The following EXOSC10 variants were observed in gnomAD, a reference collection of about 807,000 sequenced individuals.
EXOSC10 encodes the protein exosome complex component 10.
Under a neutral mutation model 126.6 loss-of-function variants are expected in EXOSC10, and 94 were observed. That is an observed-to-expected ratio of 0.74 (90% CI 0.63 to 0.88). EXOSC10 has a LOEUF of 0.88. Among genes scored for constraint, EXOSC10 ranks in the 40% least tolerant of loss-of-function variants. The pLI, the probability that EXOSC10 is intolerant of heterozygous loss-of-function variation, is 0.00. For synonymous variants in EXOSC10, 395 were observed against 400.8 expected, an observed-to-expected ratio of 0.99 and a Z score of 0.17; for missense variants, 1,041 against 1,100.5, an observed-to-expected ratio of 0.95 and a Z score of 0.77.
At chr1:11,095,048 C>T (rs1043613313) in intron 3 of EXOSC10, among the ~76,000 whole-genome samples, 33 of 151,934 alleles carry the variant, frequency 2.2e-4, no homozygotes, top group Non-Finnish European at 5.9e-5. Flanking sequence ...GATGTCTCTA[C>T]TAAAAATACA....
chr1:11,066,974 G>A (rs768197147), intron 24 of EXOSC10, among the ~76,000 whole-genome samples: 24 of 152,194 alleles, frequency 1.6e-4, no homozygotes, highest in Non-Finnish European at 2.5e-4. Flanking sequence ...CCTCAGGGTC[G>A]GCTTAATTAT....
chr1:11,068,055 C>T lies in EXOSC10; in HGVS notation c.2580G>A (p.Gln860=). 1 of 1,614,172 alleles carries T rather than the reference C, an allele frequency of 6.2e-7. No homozygotes were observed. Residue 860 remains glutamine, a synonymous_variant, in exon 24 of 25, where the codon CAG becomes CAA. Coordinates refer to ENST00000376936, the MANE Select transcript of EXOSC10 (RefSeq NM_001001998.3). ...KKCIAAKKIK[Q]SVGNKSMSFP... is the part of the protein sequence containing the mutation. ...AGGACATGCTTTTGTTTCCCACCGACTGTTTAATTTTTTTGGCTGCAATGC... is the reference window on the plus strand; with the variant it reads ...AGGACATGCTTTTGTTTCCCACCGATTGTTTAATTTTTTTGGCTGCAATGC...
At chr1:11,081,683 A>G (rs1355781077) in intron 10 of EXOSC10, among the ~76,000 whole-genome samples, 1 of 152,262 alleles carries the variant, frequency 6.6e-6, no homozygotes, top group South Asian at 2.1e-4. Flanking sequence ...AGCTTGGCAC[A>G]GGGTAAGGGC....
At chr1:11,091,459 A>G (rs1377959354) in intron 4 of EXOSC10, 34 bp downstream of exon 4, 2 of 1,558,742 alleles carry the variant, frequency 1.3e-6, no homozygotes, top group Admixed American at 1.7e-5. Context: ...TGAAGCTGAC[A>G]TCAAGAGCTC....
chr1:11,068,593 G>A, intron 23 of EXOSC10, 52 bp downstream of exon 23: 3 of 1,402,528 alleles, frequency 2.1e-6, no homozygotes, highest in Non-Finnish European at 3.0e-6. Context: ...AGAGGAGGAG[G>A]TCAGAAACAG....
rs140504914 is a variant in EXOSC10, at chr1:11,067,579, G to A, written c.2627+429C>T. Among the ~76,000 whole-genome samples, 268 of 152,282 alleles carry A rather than the reference G, an allele frequency of 1.8e-3. 3 individuals are homozygous for A. The highest frequency in any genetic ancestry group is 6.3e-3 in the African/African-American group (263 of 41,560). On this transcript the variant is annotated intron_variant, in intron 24 of 24. Coordinates refer to ENST00000376936, the MANE Select transcript of EXOSC10 (RefSeq NM_001001998.3). ...AGATTGTGCCACTGCACTCCAGCCTGGGTGACAGAATGAGACTCTCACAAA... is the reference window on the plus strand; with the variant it reads ...AGATTGTGCCACTGCACTCCAGCCTAGGTGACAGAATGAGACTCTCACAAA...
In EXOSC10 at chr1:11,077,400, G is replaced by A; in HGVS notation, c.1844C>T (p.Ala615Val). Residue 615 changes from alanine to valine, a missense_variant, in exon 16 of 25, where the codon GCC (alanine) becomes GTC (valine). Ala to Val is a moderately conservative substitution (Grantham distance 64, BLOSUM62 0). Coordinates refer to ENST00000376936, the MANE Select transcript of EXOSC10 (RefSeq NM_001001998.3). ...GATGATTGGATAGCCATCCGGAGGG[G>A]CATGGGAGCAGTCGTGAGGTCCAAA... is the stretch of plus-strand genomic sequence containing the variant. ...VLFGPHDCSH[A>V]PPDGYPIIPT... 1.2e-6 allele frequency: 2 copies of A among 1,613,856 alleles called. No homozygotes were observed. Among genetic ancestry groups the A allele is most frequent in the Non-Finnish European group, 1.7e-6 (2 of 1,179,786 alleles).
At position 11,077,588 on chromosome 1, in the gene EXOSC10, T is replaced by C. The variant is rs1639890259; in HGVS notation, c.1800+13A>G. On this transcript the variant is annotated intron_variant, in intron 15 of 24. Transcript: ENST00000376936. ...TTTCCCTCCTGGGGGAGAAAACAGA[T>C]CCGACACTCTACCTCAGCACTGGGC... The C allele has an allele frequency of 9.3e-6, 15 of 1,613,976 alleles. No homozygotes were observed. The highest frequency in any genetic ancestry group is 1.3e-5 in the Non-Finnish European group (15 of 1,179,920).
At chr1:11,075,908 G>A (rs906636008) in intron 17 of EXOSC10, among the ~76,000 whole-genome samples, 1 of 143,048 alleles carries the variant, frequency 7.0e-6, no homozygotes, top group East Asian at 2.1e-4. Flanking sequence ...GCTCATGCCT[G>A]TAATCCCAGC....
At chr1:11,094,661 C>T (rs1640975028) in intron 3 of EXOSC10, among the ~76,000 whole-genome samples, 1 of 141,056 alleles carries the variant, frequency 7.1e-6, no homozygotes, top group Non-Finnish European at 1.5e-5. Context: ...AGTGCAGTGG[C>T]ATGATCGCGG....
chr1:11,080,861 T>C lies in EXOSC10; in HGVS notation c.1489A>G (p.Lys497Glu), dbSNP rs758037091. Reference protein sequence around the residue: ...TDESYLELYRKQKKHLNTQQL... With the variant: ...TDESYLELYREQKKHLNTQQL... ...TGTGTGTTAAGGTGCTTCTTCTGCT[T>C]CCTATAGAGTTCAAGGTAGGACTCA... Residue 497 changes from lysine (K) to glutamate (E), a missense_variant, in exon 12 of 25, where the codon AAG becomes GAG. Lys to Glu is a moderately conservative substitution (Grantham distance 56, BLOSUM62 1). Transcript: ENST00000376936. 21 of 1,613,898 alleles carry C rather than the reference T, an allele frequency of 1.3e-5. No homozygotes were observed. Among genetic ancestry groups the C allele is most frequent in the Non-Finnish European group, 1.8e-5 (21 of 1,179,986 alleles).
intron 1 of EXOSC10, among the ~76,000 whole-genome samples, chr1:11,099,213 C>T (rs546458167): frequency 6.6e-6 from 1 of 152,326 alleles, no homozygotes; most frequent in East Asian, 1.9e-4. Flanking sequence ...GCCCTGTATA[C>T]CTTCCAGGAG....
intron 2 of EXOSC10, among the ~76,000 whole-genome samples, chr1:11,097,422 T>C (rs1217752270): frequency 6.7e-6 from 1 of 149,702 alleles, no homozygotes; most frequent in Non-Finnish European, 1.5e-5. Flanking sequence ...ACTCTACAAG[T>C]TGTGGGAAAG....
chr1:11,068,029 A>G lies in EXOSC10; in HGVS notation c.2606T>C (p.Phe869Ser), dbSNP rs768287039. Residue 869 changes from phenylalanine (F) to serine (S), a missense_variant, in exon 24 of 25, where the codon TTT becomes TCT. By Grantham distance (155) the Phe-to-Ser change is radical. Transcript: ENST00000376936. ...KQSVGNKSMS[F>S]PTGKSDRGFR... ...ATACCTGTCTGACTTTCCAGTTGGA[A>G]AGGACATGCTTTTGTTTCCCACCGA... 1 of 1,614,148 alleles carries G rather than the reference A, an allele frequency of 6.2e-7. No homozygotes were observed. Among genetic ancestry groups the G allele is most frequent in the Non-Finnish European group, 8.5e-7 (1 of 1,180,016 alleles).
intron 9 of EXOSC10, among the ~76,000 whole-genome samples, chr1:11,083,634 TTTA>T (rs1345165929): frequency 6.6e-6 from 1 of 151,256 alleles, no homozygotes; most frequent in Non-Finnish European, 1.5e-5. Flanking sequence ...TTTTTTTAAA[TTTA>T]TTATTATACT....
intron 19 of EXOSC10, chr1:11,072,428 GA>G: frequency 4.7e-5 from 18 of 384,798 alleles, no homozygotes; most frequent in South Asian, 6.1e-5. Context: ...GTAACCCTGG[GA>G]AAAAGGTACT....
Position 11,069,567 on chromosome 1 carries a change from G to A in EXOSC10, c.2480C>T (p.Ala827Val), listed in dbSNP as rs549838469. The A allele has an allele frequency of 6.2e-7, 1 of 1,612,934 alleles. No individual in the cohort carries two copies. Among genetic ancestry groups the A allele is most frequent in the South Asian group, 1.1e-5 (1 of 90,894 alleles). ...PYDYSQSDFK[A>V]FAGNSKSKVS... ...CCCCATTACTTCCTCACCAGCAAAA[G>A]CCTTGAAGTCTGACTGGCTGTAGTC... The change falls in exon 22 of 25, where the codon GCT (alanine) becomes GTT (valine). Residue 827 changes from alanine to valine, a missense_variant. Ala to Val is a moderately conservative substitution (Grantham distance 64). Transcript: ENST00000376936.
chr1:11,097,356 T>A (rs1257031400), intron 2 of EXOSC10, among the ~76,000 whole-genome samples: 1 of 141,126 alleles, frequency 7.1e-6, no homozygotes, highest in Non-Finnish European at 1.5e-5. Flanking sequence ...CCAGCCTGGG[T>A]GATGGAGCGA....
intron 1 of EXOSC10, among the ~76,000 whole-genome samples, chr1:11,098,684 A>G (rs1020123727): frequency 1.4e-4 from 22 of 152,254 alleles, no homozygotes; most frequent in African/African-American, 5.3e-4. Context: ...TCTAAAAACA[A>G]TACAAGCTTA....
Sources: gnomAD v4.1 joint callset for allele counts (sites outside exome capture counted in the v4.1 genomes callset) on GRCh38, gnomAD v4.1.1 for gene constraint, MANE v1.5 for transcripts, NCBI Gene and HGNC (gene_info 2026-07-23, HGNC 2026-07-21) for gene names.